Variants in SDK1 observed in about 807,000 individuals in gnomAD.
SDK1 encodes protein sidekick-1.
Under a neutral mutation model 245.5 loss-of-function variants are expected in SDK1, and 157 were observed. The ratio of observed to expected loss-of-function variants is 0.64; its 90% confidence interval spans 0.56 to 0.73. The LOEUF is 0.73. SDK1 is among the 30% of genes least tolerant of loss of function. The probability of loss-of-function intolerance (pLI) is 0.00; values close to 1 mark genes in which losing one functional copy is unlikely to be tolerated. For missense variants in SDK1, 3,583 were observed against 3,002.3 expected (o/e 1.19, Z -4.52); for synonymous variants, 1,647 against 1,278.5 (o/e 1.29, Z -6.15).
chr7:4,107,413 T>G (rs2128189489), intron 22 of SDK1, among the ~76,000 whole-genome samples: 1 of 152,132 alleles, frequency 6.6e-6, no homozygotes, highest in East Asian at 1.9e-4. Context: ...CTTTCCTTAG[T>G]GCTTATACGT....
At chr7:4,088,114 C>A (rs928358249) in intron 22 of SDK1, among the ~76,000 whole-genome samples, 1 of 152,188 alleles carries the variant, frequency 6.6e-6, no homozygotes, top group Non-Finnish European at 1.5e-5. Context: ...ACAGCCAAGC[C>A]ATGAAGCCGG....
chr7:3,480,679 C>T (rs888255277), intron 1 of SDK1, among the ~76,000 whole-genome samples: 2 of 152,190 alleles, frequency 1.3e-5, no homozygotes, highest in Admixed American at 6.5e-5. Flanking sequence ...CCATAGCGTG[C>T]ATATGGATTG....
intron 1 of SDK1, among the ~76,000 whole-genome samples, chr7:3,459,545 T>C (rs747760432): frequency 1.3e-5 from 2 of 152,210 alleles, no homozygotes; most frequent in Non-Finnish European, 2.9e-5. Flanking sequence ...AGCATCACTT[T>C]CCTGTTTCAA....
chr7:3,371,210 C>A (rs1359056335), intron 1 of SDK1, among the ~76,000 whole-genome samples: 3 of 152,050 alleles, frequency 2.0e-5, no homozygotes, highest in Admixed American at 1.3e-4. Flanking sequence ...TTTACAAGTT[C>A]AAATCTGAAA....
At chr7:4,210,551 C>T (rs1434697872) in intron 38 of SDK1, among the ~76,000 whole-genome samples, 1 of 152,212 alleles carries the variant, frequency 6.6e-6, no homozygotes, top group Non-Finnish European at 1.5e-5. Flanking sequence ...GAAGCCACGC[C>T]TCACAACACA....
intron 5 of SDK1, among the ~76,000 whole-genome samples, chr7:3,840,018 G>A (rs957176307): frequency 5.3e-5 from 8 of 152,134 alleles, no homozygotes; most frequent in Admixed American, 6.5e-5. Context: ...TCATTGGTAG[G>A]TATCAAATCA....
chr7:4,131,888 G>A (rs1173546487), intron 27 of SDK1, among the ~76,000 whole-genome samples: 1 of 152,134 alleles, frequency 6.6e-6, no homozygotes, highest in Non-Finnish European at 1.5e-5. Context: ...AGAGTTGGGA[G>A]GAACTTCAGG....
intron 5 of SDK1, among the ~76,000 whole-genome samples, chr7:3,843,265 G>C (rs1200821639): frequency 6.6e-6 from 1 of 152,230 alleles, no homozygotes; most frequent in Non-Finnish European, 1.5e-5. Context: ...ATTAGCTTCA[G>C]AATTCTGCAT....
chr7:3,604,491 T>C (rs1781354544), intron 1 of SDK1, among the ~76,000 whole-genome samples: 1 of 152,166 alleles, frequency 6.6e-6, no homozygotes, highest in Non-Finnish European at 1.5e-5. Flanking sequence ...AACACTTCTT[T>C]AGCTGCATCT....
intron 4 of SDK1, among the ~76,000 whole-genome samples, chr7:3,694,590 G>C (rs1784522916): frequency 6.6e-6 from 1 of 151,188 alleles, no homozygotes; most frequent in Non-Finnish European, 1.5e-5. Context: ...GGGGGGAAAA[G>C]CATATGAAAT....
chr7:3,627,353 A>G (rs1008643702), intron 2 of SDK1, among the ~76,000 whole-genome samples: 1 of 152,094 alleles, frequency 6.6e-6, no homozygotes, highest in South Asian at 2.1e-4. Context: ...CTCCTTCAAT[A>G]AGTACAATGA....
chr7:3,525,204 C>T (rs924058753), intron 1 of SDK1, among the ~76,000 whole-genome samples: 8 of 151,124 alleles, frequency 5.3e-5, no homozygotes, highest in African/African-American at 1.9e-4. Context: ...CTTGGTGGGC[C>T]CTGGAACCAA....
At chr7:3,726,308 C>G (rs1422726508) in intron 4 of SDK1, among the ~76,000 whole-genome samples, 6 of 152,174 alleles carry the variant, frequency 3.9e-5, no homozygotes, top group African/African-American at 1.4e-4. Context: ...TAATTCTGAT[C>G]AGTGTGAAGA....
At chr7:3,764,712 C>T (rs1157922230) in intron 4 of SDK1, among the ~76,000 whole-genome samples, 2 of 151,706 alleles carry the variant, frequency 1.3e-5, no homozygotes, top group African/African-American at 4.8e-5. Flanking sequence ...AAAAAATAAT[C>T]ATCCTAAACA....
chr7:4,237,325 G>A (rs1314523201), intron 41 of SDK1, among the ~76,000 whole-genome samples: 1 of 151,942 alleles, frequency 6.6e-6, no homozygotes, highest in East Asian at 1.9e-4. Flanking sequence ...CGGTTTTGAT[G>A]GGCAAGGTCA....
intron 1 of SDK1, among the ~76,000 whole-genome samples, chr7:3,419,530 T>C (rs184366928): frequency 5.9e-5 from 9 of 152,300 alleles, no homozygotes; most frequent in African/African-American, 1.9e-4. Context: ...TCGAAAGTAT[T>C]GAGTGCTCTG....
intron 1 of SDK1, among the ~76,000 whole-genome samples, chr7:3,493,738 A>T (rs1263027310): frequency 3.3e-5 from 5 of 152,220 alleles, no homozygotes; most frequent in Non-Finnish European, 7.3e-5. Flanking sequence ...CAATTACTGC[A>T]TTTGATCATC....
intron 40 of SDK1, among the ~76,000 whole-genome samples, chr7:4,224,297 A>G (rs960245061): frequency 6.6e-6 from 1 of 152,244 alleles, no homozygotes; most frequent in Admixed American, 6.5e-5. Flanking sequence ...GGGAGGCCCC[A>G]GGAAATCATG....
At chr7:3,335,506 C>G (rs1030092307) in intron 1 of SDK1, among the ~76,000 whole-genome samples, 5 of 151,494 alleles carry the variant, frequency 3.3e-5, no homozygotes, top group African/African-American at 1.2e-4. Context: ...TTTTCTTCAC[C>G]TGGTACATAG....
Sources: allele counts gnomAD v4.1 joint callset (sites outside exome capture counted in the v4.1 genomes callset), GRCh38; gene constraint gnomAD v4.1.1; transcripts MANE v1.5; gene names NCBI Gene and HGNC (gene_info 2026-07-23, HGNC 2026-07-21).